SCEL: variants seen among roughly 807,000 people sequenced by gnomAD.
SCEL encodes the protein sciellin.
A neutral mutation model predicts 117.6 loss-of-function variants in SCEL; 113 were observed. The ratio of observed to expected loss-of-function variants is 0.96; its 90% CI spans 0.83 to 1.12. The LOEUF (loss-of-function observed/expected upper bound fraction) is 1.12, where lower values mean the gene tolerates loss of function less well. Ranked by LOEUF, SCEL falls within the 50% of genes most tolerant of loss-of-function variation. The pLI, the probability that SCEL is intolerant of heterozygous loss-of-function variation, is 0.00. For missense variants in SCEL, 785 were observed against 810.8 expected (o/e 0.97, Z 0.39); for synonymous variants, 270 against 256.2 (o/e 1.05, Z -0.51).
chr13:77,599,761 T>C lies in SCEL; in HGVS notation c.917+13T>C. 6.3e-7 allele frequency: 1 copy of C among 1,577,060 alleles called. No homozygotes were observed. ...AAGATGGCAAAGGGTAAGATTTTAT[T>C]AAGACAGACCATTTTGATTGAGTCC... On this transcript the variant is annotated intron_variant, in intron 15 of 32. Coordinates refer to ENST00000349847, the MANE Select transcript of SCEL (RefSeq NM_144777.3).
intron 9 of SCEL, among the ~76,000 whole-genome samples, chr13:77,576,556 T>G (rs1003474981): frequency 4.6e-5 from 7 of 152,198 alleles, no homozygotes; most frequent in African/African-American, 1.7e-4. Flanking sequence ...ACTCCAGATC[T>G]CTTCTCTGAG....
At chr13:77,633,372 C>G (rs1257576248) in intron 28 of SCEL, among the ~76,000 whole-genome samples, 1 of 138,704 alleles carries the variant, frequency 7.2e-6, no homozygotes, top group Non-Finnish European at 1.5e-5. Context: ...GGAAGCGGAG[C>G]TTGCAGTGAG....
intron 24 of SCEL, among the ~76,000 whole-genome samples, chr13:77,617,156 C>A (rs944047679): frequency 6.6e-6 from 1 of 152,216 alleles, no homozygotes; most frequent in South Asian, 2.1e-4. Context: ...AGAAAAGTCA[C>A]AATTTTGATG....
chr13:77,597,657 C>A, intron 13 of SCEL, 68 bp downstream of exon 13: 1 of 852,688 alleles, frequency 1.2e-6, no homozygotes, highest in Non-Finnish European at 1.8e-6. Context: ...CCTTTCCAGT[C>A]TTTGAGCGTG....
chr13:77,626,760 T>G (rs547432863), intron 27 of SCEL, among the ~76,000 whole-genome samples: 1 of 152,284 alleles, frequency 6.6e-6, no homozygotes, highest in East Asian at 1.9e-4. Context: ...ATTAAGCCTC[T>G]TTTCTTCATA....
rs75983487 is a variant in SCEL, at chr13:77,568,071, G to A, written c.360-224G>A. ...TGAACCCAACAAATAAAAATATTGG[G>A]CTTAAAAGATACTAAATTTTCAGAA... On this transcript the variant is annotated intron_variant, in intron 6 of 32. Coordinates refer to ENST00000349847, the MANE Select transcript of SCEL (RefSeq NM_144777.3). Among the ~76,000 whole-genome samples the A allele has an allele frequency of 2.6e-5, 4 of 152,128 alleles. No individual in the cohort carries two copies. In the East Asian group the frequency reaches 5.8e-4, roughly 22 times the overall value.
intron 9 of SCEL, among the ~76,000 whole-genome samples, chr13:77,575,333 CTATCTT>C (rs2085878727): frequency 6.6e-6 from 1 of 151,980 alleles, no homozygotes. Context: ...CTATGTTAGT[CTATCTT>C]TATAATTAAT....
intron 22 of SCEL, among the ~76,000 whole-genome samples, chr13:77,612,472 T>C (rs1330324252): frequency 2.0e-5 from 3 of 147,304 alleles, no homozygotes; most frequent in African/African-American, 7.4e-5. Context: ...TTTTTTTTTT[T>C]TTTTTTTTTT....
rs911225663 is a variant in SCEL, at chr13:77,624,519, C to T, written c.1629-3428C>T. 5.3e-5 allele frequency among the ~76,000 whole-genome samples: 8 copies of T among 152,196 alleles called. 1 individual carries two copies. Among genetic ancestry groups the T allele is most frequent in the Admixed American group, 5.2e-4 (8 of 15,280 alleles). On this transcript the variant is annotated intron_variant, in intron 27 of 32. Coordinates refer to ENST00000349847, the MANE Select transcript of SCEL (RefSeq NM_144777.3). ...CTTGATTACCTCTGAGGACGCTTAT[C>T]TCTAAATAAGTTCACATTCTGAGCT...
intron 24 of SCEL, among the ~76,000 whole-genome samples, chr13:77,616,002 C>CTGTGTG (rs1272729598): frequency 0.01 from 1,478 of 141,858 alleles, 11 homozygotes; most frequent in Non-Finnish European, 0.014. Flanking sequence ...ATTTATGTCT[C>CTGTGTG]TCTGTGTGTG....
chr13:77,627,880 T>C, intron 27 of SCEL, 67 bp from the exon 28 acceptor site: 1 of 627,362 alleles, frequency 1.6e-6, no homozygotes, highest in South Asian at 2.6e-5. Context: ...TTTTAAAATG[T>C]TTTAGCATTT....
intron 30 of SCEL, 82 bp downstream of exon 30, chr13:77,637,276 A>G (rs2090328479): frequency 3.1e-6 from 1 of 325,456 alleles, no homozygotes; most frequent in African/African-American, 2.3e-5. Context: ...ATACACACAC[A>G]CAGGCACACA....
chr13:77,614,487 CAGTG>C (rs1371099561), intron 24 of SCEL, among the ~76,000 whole-genome samples: 3 of 152,088 alleles, frequency 2.0e-5, no homozygotes, highest in Non-Finnish European at 4.4e-5. Context: ...GAAGTAATGT[CAGTG>C]AGATAATGAA....
chr13:77,549,814 C>A (rs2084201526), intron 1 of SCEL, among the ~76,000 whole-genome samples: 1 of 152,124 alleles, frequency 6.6e-6, no homozygotes, highest in South Asian at 2.1e-4. Context: ...ACCAGTTTAA[C>A]ATTTAGGAGT....
chr13:77,552,235 G>A (rs1593897289), intron 1 of SCEL, among the ~76,000 whole-genome samples: 3 of 148,624 alleles, frequency 2.0e-5, no homozygotes, highest in Non-Finnish European at 4.5e-5. Context: ...GGGTCAAATG[G>A]TATTTCTAGT....
chr13:77,588,378 G>A (rs1167939647), intron 9 of SCEL, among the ~76,000 whole-genome samples: 1 of 152,142 alleles, frequency 6.6e-6, no homozygotes, highest in African/African-American at 2.4e-5. Context: ...GAAGCCAGAA[G>A]GGTACACAGG....
At chr13:77,599,632 A>G in intron 14 of SCEL, 57 bp from the exon 15 acceptor site, 1 of 1,261,912 alleles carries the variant, frequency 7.9e-7, no homozygotes, top group Non-Finnish European at 1.2e-6. Flanking sequence ...CTTTCAAGAT[A>G]CCACACAATT....
At chr13:77,633,421 C>T (rs1167834504) in intron 28 of SCEL, among the ~76,000 whole-genome samples, 24 of 94,540 alleles carry the variant, frequency 2.5e-4, no homozygotes, top group Non-Finnish European at 4.1e-4. Flanking sequence ...CCGGCCTGGG[C>T]GACAGAGCGA....
At chr13:77,558,274 G>T (rs1174737502) in intron 3 of SCEL, among the ~76,000 whole-genome samples, 1 of 152,174 alleles carries the variant, frequency 6.6e-6, no homozygotes, top group African/African-American at 2.4e-5. Context: ...TGAATGAAGG[G>T]AAAATTGGCT....
Sources: allele counts gnomAD v4.1 joint callset (sites outside exome capture counted in the v4.1 genomes callset), GRCh38; gene constraint gnomAD v4.1.1; transcripts MANE v1.5; gene names NCBI Gene and HGNC (gene_info 2026-07-23, HGNC 2026-07-21).